Variants in GRIK5 observed in about 807,000 individuals in gnomAD.
The protein encoded by GRIK5 is glutamate ionotropic receptor kainate type subunit 5.
A neutral mutation model predicts 97.4 loss-of-function variants in GRIK5; 43 were observed. That is an observed-to-expected ratio of 0.44 (90% CI 0.35 to 0.57). The LOEUF is 0.57. GRIK5 is among the 20% of genes least tolerant of loss of function. The pLI is 0.01. For missense variants in GRIK5, 1,015 were observed against 1,382.0 expected, an observed-to-expected ratio of 0.73 and a Z score of 4.21; for synonymous variants, 580 against 583.5, an observed-to-expected ratio of 0.99 and a Z score of 0.09.
Position 42,062,378 on chromosome 19 carries a change from G to A in GRIK5, c.508+110C>T. ...AGATGGGAGAAGAGCCTGGTGCCTGGGTGCCCCAGGGTTCTAACTAGGGGG... is the reference window on the plus strand; with the variant it reads ...AGATGGGAGAAGAGCCTGGTGCCTGAGTGCCCCAGGGTTCTAACTAGGGGG... On this transcript the variant is annotated intron_variant, in intron 5 of 19. Transcript: ENST00000593562. The surrounding 1 kb of genome is among the most constrained non-coding windows in gnomAD (Gnocchi z 5.3). The A allele has an allele frequency of 9.5e-7, 1 of 1,049,722 alleles. No individual in the cohort carries two copies. Among genetic ancestry groups the A allele is most frequent in the Non-Finnish European group, 1.4e-6 (1 of 722,810 alleles). 65.0% of individuals were successfully genotyped at this position (1,049,722 alleles called of 1,614,324 possible).
intron 8 of GRIK5, among the ~76,000 whole-genome samples, chr19:42,056,085 A>C (rs1055607880): frequency 2.0e-5 from 3 of 151,986 alleles, no homozygotes; most frequent in Admixed American, 2.0e-4. Context: ...TCCCAGGTTC[A>C]AGTGATTCTT....
Position 42,065,251 on chromosome 19 carries a change from C to T in GRIK5, c.216G>A (p.Arg72=), listed in dbSNP as rs2076314496. ...RVEVDIFELQ[R]DSQYETTDTM... is the part of the protein sequence containing the mutation. ...TGTCCGTGGTCTCGTACTGGCTGTC[C>T]CGCTGCAGCTCAAAGATGTCTACTT... is the stretch of plus-strand genomic sequence containing the variant. The change falls in exon 3 of 20, where the codon CGG becomes CGA. Residue 72 remains arginine (R), a synonymous_variant. Coordinates refer to ENST00000593562, the MANE Select transcript of GRIK5 (RefSeq NM_002088.5). The surrounding 1 kb of genome is among the most constrained non-coding windows in gnomAD (Gnocchi z 5.8). The T allele has an allele frequency of 1.2e-6, 2 of 1,612,940 alleles. No homozygotes were observed. Among genetic ancestry groups the T allele is most frequent in the Non-Finnish European group, 1.7e-6 (2 of 1,179,648 alleles).
rs1320681893 is a variant in GRIK5, at chr19:42,022,188, G to A, written c.1587+53C>T. On this transcript the variant is annotated intron_variant, in intron 13 of 19. Transcript: ENST00000593562. This position sits in a 1 kb window ranked among gnomAD's most constrained non-coding sequence, Gnocchi z 4.2. ...GGGGCTGTCTGGCTCCCACTCGCAG[G>A]CCCTGAGCCTCCATGCCAGGCAAGC... The A allele has an allele frequency of 6.8e-7, 1 of 1,479,302 alleles. No individual in the cohort carries two copies. The highest frequency in any genetic ancestry group is 9.4e-7 in the Non-Finnish European group (1 of 1,058,956). 91.6% of individuals were successfully genotyped at this position (1,479,302 alleles called of 1,614,324 possible).
chr19:42,003,303 C>G lies in GRIK5; in HGVS notation c.2514+29G>C. 2 of 1,597,156 alleles carry G rather than the reference C, an allele frequency of 1.3e-6. No homozygotes were observed. Among genetic ancestry groups the G allele is most frequent in the Non-Finnish European group, 1.7e-6 (2 of 1,168,436 alleles). ...CCTCAGCCCCTGGGGGTCCCTGTTC[C>G]TGCCCACCCCCACCCCCAGCCTCCT... On this transcript the variant is annotated intron_variant, in intron 19 of 19. Coordinates refer to ENST00000593562, the MANE Select transcript of GRIK5 (RefSeq NM_002088.5). This position sits in a 1 kb window ranked among gnomAD's most constrained non-coding sequence, Gnocchi z 4.2.
chr19:42,038,581 G>A lies in GRIK5; in HGVS notation c.1473+3971C>T, dbSNP rs554601973. Among the ~76,000 whole-genome samples, 499 of 152,368 alleles carry A rather than the reference G, an allele frequency of 3.3e-3. 2 individuals carry two copies. Among genetic ancestry groups the A allele is most frequent in the Non-Finnish European group, 5.5e-3 (376 of 68,034 alleles). On this transcript the variant is annotated intron_variant, in intron 12 of 19. Coordinates refer to ENST00000593562, the MANE Select transcript of GRIK5 (RefSeq NM_002088.5). ...AGCTCAGACAAGGGCCTGGCACAGC[G>A]TGCCACTCCATCAGTGTACTCCGAG...
At chr19:42,010,224 G>C (rs893070261) in intron 15 of GRIK5, among the ~76,000 whole-genome samples, 14 of 152,132 alleles carry the variant, frequency 9.2e-5, no homozygotes, top group Admixed American at 2.6e-4. Flanking sequence ...CAGAAAGAGA[G>C]GAGAGAAAGG....
At chr19:42,047,840 G>T (rs576504416) in intron 11 of GRIK5, among the ~76,000 whole-genome samples, 1 of 151,656 alleles carries the variant, frequency 6.6e-6, no homozygotes, top group Non-Finnish European at 1.5e-5. Context: ...GCGTGGTGGT[G>T]GGCGCCTGTA....
At chr19:42,010,301 C>G (rs529114833) in intron 15 of GRIK5, among the ~76,000 whole-genome samples, 1 of 152,114 alleles carries the variant, frequency 6.6e-6, no homozygotes, top group Non-Finnish European at 1.5e-5. Context: ...AAACCATAAA[C>G]TTGCAGATGT....
intron 15 of GRIK5, among the ~76,000 whole-genome samples, chr19:42,014,481 T>C (rs889577681): frequency 3.3e-5 from 5 of 151,538 alleles, no homozygotes; most frequent in Admixed American, 1.3e-4. Context: ...GTATACACTG[T>C]TTATAAGAAA....
chr19:42,039,753 G>A (rs2075955454), intron 12 of GRIK5, among the ~76,000 whole-genome samples: 3 of 152,206 alleles, frequency 2.0e-5, no homozygotes, highest in South Asian at 2.1e-4. Context: ...GCTGAGGTGG[G>A]AGGATTGCTT....
rs902304371 is a variant in GRIK5, at chr19:42,042,472, G to A, written c.1473+80C>T. On this transcript the variant is annotated intron_variant, in intron 12 of 19. Transcript: ENST00000593562. This position sits in a 1 kb window ranked among gnomAD's most constrained non-coding sequence, Gnocchi z 6.9. Reference sequence around the variant, plus strand: ...CTGCCACCAGCCAGGCTGCTTCTGAGGTTCGACTGGCTGCCCAGCTGCCCG... The same window carrying A: ...CTGCCACCAGCCAGGCTGCTTCTGAAGTTCGACTGGCTGCCCAGCTGCCCG... 8 of 1,280,306 alleles carry A rather than the reference G, an allele frequency of 6.2e-6. No individual in the cohort carries two copies. Among genetic ancestry groups the A allele is most frequent in the Non-Finnish European group, 8.8e-6 (8 of 911,790 alleles). The allele number at this position is 1,280,306 out of a possible 1,614,324, so 79.3% of individuals were successfully genotyped here. A position where few individuals can be genotyped will look rare whatever the true frequency, so the allele number is the denominator to read the frequency against.
At chr19:42,034,363 G>C (rs2075876135) in intron 12 of GRIK5, among the ~76,000 whole-genome samples, 2 of 152,112 alleles carry the variant, frequency 1.3e-5, no homozygotes, top group Non-Finnish European at 2.9e-5. Context: ...GACAGAGCAA[G>C]ACCCTGTTTC....
intron 15 of GRIK5, among the ~76,000 whole-genome samples, chr19:42,013,692 G>A (rs1045001818): frequency 6.6e-6 from 1 of 151,910 alleles, no homozygotes; most frequent in Non-Finnish European, 1.5e-5. Flanking sequence ...TTACAGGCGT[G>A]AGCCACCGCG....
In GRIK5 at chr19:42,003,789, G is replaced by T; in HGVS notation, c.2264-106C>A. The T allele has an allele frequency of 8.0e-7, 1 of 1,252,314 alleles. No homozygotes were observed. The highest frequency in any genetic ancestry group is 1.1e-6 in the Non-Finnish European group (1 of 930,194). 77.6% of individuals were successfully genotyped at this position (1,252,314 alleles called of 1,614,324 possible). ...CACGGCCTTCCCCCGCCTCTACCAC[G>T]TGCCCAGGGTCTTCCCTGCAGCCTC... On this transcript the variant is annotated intron_variant, in intron 17 of 19. Coordinates refer to ENST00000593562, the MANE Select transcript of GRIK5 (RefSeq NM_002088.5). The surrounding 1 kb of genome is among the most constrained non-coding windows in gnomAD (Gnocchi z 4.2).
rs566827056 is a variant in GRIK5, at chr19:42,026,968, T to C, written c.1474-4614A>G. Among the ~76,000 whole-genome samples, 82 of 152,204 alleles carry C rather than the reference T, an allele frequency of 5.4e-4. 3 individuals are homozygous for C. The South Asian group carries it at 0.017, about 31-fold the overall frequency. Reference sequence around the variant, plus strand: ...GACTATGTGCCATGCCTGTTCCCCTTATGAGACTCTGTCTTACACCTGGCC... The same window carrying C: ...GACTATGTGCCATGCCTGTTCCCCTCATGAGACTCTGTCTTACACCTGGCC... On this transcript the variant is annotated intron_variant, in intron 12 of 19. Transcript: ENST00000593562.
At position 42,003,737 on chromosome 19, in the gene GRIK5, G is replaced by T; in HGVS notation, c.2264-54C>A. 4.6e-6 allele frequency: 7 copies of T among 1,514,912 alleles called. No individual in the cohort carries two copies. The highest frequency in any genetic ancestry group is 5.3e-6 in the Non-Finnish European group (6 of 1,133,536). The allele number at this position is 1,514,912 out of a possible 1,614,324, so 93.8% of individuals were successfully genotyped here. On this transcript the variant is annotated intron_variant, in intron 17 of 19. Coordinates refer to ENST00000593562, the MANE Select transcript of GRIK5 (RefSeq NM_002088.5). The surrounding 1 kb of genome is among the most constrained non-coding windows in gnomAD (Gnocchi z 4.2). The stretch of plus-strand genomic sequence containing the variant: ...GCCATCGGGCCCTGCAGCCCTGACC[G>T]CCCCAAACCCCAAACTGTGCCCTCA...
At chr19:42,027,972 T>C (rs776434591) in intron 12 of GRIK5, among the ~76,000 whole-genome samples, 4 of 152,130 alleles carry the variant, frequency 2.6e-5, no homozygotes, top group Admixed American at 6.5e-5. Flanking sequence ...GCTGGGACTA[T>C]AGGTGTGTGC....
intron 3 of GRIK5, among the ~76,000 whole-genome samples, chr19:42,064,761 G>A (rs930048017): frequency 5.3e-5 from 8 of 152,212 alleles, no homozygotes; most frequent in African/African-American, 1.9e-4. Flanking sequence ...CAGCCCATCA[G>A]TATTCCATAG....
At chr19:42,048,919 G>A (rs1363027677) in intron 11 of GRIK5, among the ~76,000 whole-genome samples, 1 of 152,018 alleles carries the variant, frequency 6.6e-6, no homozygotes, top group Non-Finnish European at 1.5e-5. Context: ...GTGCACGACT[G>A]TGGTCCCAGC....
Sources: allele counts gnomAD v4.1 joint callset (sites outside exome capture counted in the v4.1 genomes callset), GRCh38; gene constraint gnomAD v4.1.1; non-coding constraint Gnocchi (gnomAD v3.1); transcripts MANE v1.5; gene names NCBI Gene and HGNC (gene_info 2026-07-23, HGNC 2026-07-21).